Variants in ADIPOR2 observed in about 807,000 individuals in gnomAD.
The protein encoded by ADIPOR2 is adiponectin receptor protein 2.
Under a neutral mutation model 40.9 loss-of-function variants are expected in ADIPOR2, and 18 were observed. The observed-to-expected ratio is 0.44, with a 90% confidence interval of 0.30 to 0.65. ADIPOR2 has a LOEUF of 0.65. Ranked by LOEUF, ADIPOR2 falls within the 30% of genes least tolerant of loss-of-function variation. ADIPOR2 has a pLI of 0.09. For missense variants in ADIPOR2, 283 were observed against 479.2 expected (o/e 0.59, Z 3.82); for synonymous variants, 165 against 166.4 (o/e 0.99, Z 0.06).
At chr12:1,744,230 G>A (rs1053394556) in intron 1 of ADIPOR2, among the ~76,000 whole-genome samples, 9 of 151,542 alleles carry the variant, frequency 5.9e-5, no homozygotes, top group African/African-American at 1.7e-4. Flanking sequence ...TCAGCCTCCC[G>A]AGTAGCTGGG....
chr12:1,706,003 G>A (rs561761548), intron 1 of ADIPOR2, among the ~76,000 whole-genome samples: 1 of 152,320 alleles, frequency 6.6e-6, no homozygotes, highest in East Asian at 1.9e-4. Flanking sequence ...GATGATAGGT[G>A]AAGGGTCAAC....
At chr12:1,762,274 G>T (rs918757811) in intron 2 of ADIPOR2, among the ~76,000 whole-genome samples, 1 of 151,984 alleles carries the variant, frequency 6.6e-6, no homozygotes, top group African/African-American at 2.4e-5. Context: ...TGCGTATCAT[G>T]ACATATATTT....
At chr12:1,754,992 G>T (rs1351071563) in intron 2 of ADIPOR2, among the ~76,000 whole-genome samples, 1 of 117,632 alleles carries the variant, frequency 8.5e-6, no homozygotes, top group African/African-American at 2.6e-5. Flanking sequence ...GGGATTACAG[G>T]CATGAGTCAT....
chr12:1,780,368 G>A (rs1465105381), intron 4 of ADIPOR2, 83 bp from the exon 5 acceptor site: 1 of 1,311,620 alleles, frequency 7.6e-7, no homozygotes, highest in Non-Finnish European at 1.0e-6. Context: ...TTGTAATGCA[G>A]AAGGATTGAA....
chr12:1,722,415 T>C (rs2094699672), intron 1 of ADIPOR2, among the ~76,000 whole-genome samples: 1 of 152,166 alleles, frequency 6.6e-6, no homozygotes, highest in Non-Finnish European at 1.5e-5. Context: ...TGGTGGTAGG[T>C]AATAGTAGTA....
intron 2 of ADIPOR2, chr12:1,757,786 C>T (rs997048669): frequency 3.6e-5 from 34 of 947,890 alleles, no homozygotes; most frequent in African/African-American, 4.8e-5. Context: ...TATATGAGTT[C>T]GGACCTTGCC....
chr12:1,714,455 G>A (rs375035853), intron 1 of ADIPOR2, among the ~76,000 whole-genome samples: 3 of 152,180 alleles, frequency 2.0e-5, no homozygotes. Flanking sequence ...ATTGACCCTC[G>A]AGTGAGTCGG....
intron 1 of ADIPOR2, among the ~76,000 whole-genome samples, chr12:1,692,074 T>A (rs73591703): frequency 0.06 from 7,712 of 127,512 alleles, 645 homozygotes; most frequent in African/African-American, 0.2. Flanking sequence ...CCATTTCTGT[T>A]CCAAAAGCAG....
Position 1,711,098 on chromosome 12 carries a change from T to C in ADIPOR2, c.-87+19907T>C, listed in dbSNP as rs371703056. 3.9e-5 allele frequency among the ~76,000 whole-genome samples: 6 copies of C among 152,168 alleles called. No individual in the cohort carries two copies. The East Asian group carries it at 9.6e-4, about 24-fold the overall frequency. Reference sequence around the variant, plus strand: ...CTCACTGGTTAGTGTAAAAGCAACATTCTTCCCCTAAGAAGGTGCATAGTC... The same window carrying C: ...CTCACTGGTTAGTGTAAAAGCAACACTCTTCCCCTAAGAAGGTGCATAGTC... On this transcript the variant is annotated intron_variant, in intron 1 of 7. Transcript: ENST00000357103.
At chr12:1,700,322 T>C (rs944721415) in intron 1 of ADIPOR2, among the ~76,000 whole-genome samples, 1 of 152,226 alleles carries the variant, frequency 6.6e-6, no homozygotes, top group Non-Finnish European at 1.5e-5. Context: ...AAATTAAGTT[T>C]AGTGAACATG....
At chr12:1,721,800 G>A (rs535668820) in intron 1 of ADIPOR2, among the ~76,000 whole-genome samples, 13 of 152,154 alleles carry the variant, frequency 8.5e-5, no homozygotes, top group Non-Finnish European at 1.6e-4. Context: ...AAAGATTAGA[G>A]GGATGAGCAT....
chr12:1,754,536 A>G, intron 2 of ADIPOR2, 22 bp downstream of exon 2: 2 of 1,584,156 alleles, frequency 1.3e-6, no homozygotes, highest in Non-Finnish European at 1.7e-6. Flanking sequence ...TGGAAGAATG[A>G]TAAACAAAGG....
chr12:1,764,335 T>G (rs1423579100), intron 2 of ADIPOR2, among the ~76,000 whole-genome samples: 1 of 152,210 alleles, frequency 6.6e-6, no homozygotes, highest in African/African-American at 2.4e-5. Flanking sequence ...GTTTAATGCC[T>G]TCTTTGATCA....
intron 5 of ADIPOR2, 89 bp from the exon 6 acceptor site, chr12:1,780,800 G>T: frequency 1.4e-6 from 2 of 1,394,176 alleles, no homozygotes; most frequent in South Asian, 1.5e-5. Context: ...TGTCGTTGAT[G>T]GCTTATGTCA....
chr12:1,783,992 G>A lies in ADIPOR2; in HGVS notation c.951G>A (p.Met317Ile). 6.2e-7 allele frequency: 1 copy of A among 1,613,926 alleles called. No individual in the cohort carries two copies. The highest frequency in any genetic ancestry group is 8.5e-7 in the Non-Finnish European group (1 of 1,179,910). The stretch of plus-strand genomic sequence containing the variant: ...GGCAGATAGGCTGGTTGATGCTGAT[G>A]GCCAGCCTCTACATCACAGGAGCTG... ...TIGQIGWLML[M>I]ASLYITGAAL... The change falls in exon 7 of 8, where the codon ATG (methionine) becomes ATA (isoleucine). Residue 317 changes from methionine (M) to isoleucine (I), a missense_variant. Around this residue, in one of 3 missense-constraint regions of ADIPOR2, gnomAD observed 106 missense variants for 149.7 expected, o/e 0.71. Coordinates refer to ENST00000357103, the MANE Select transcript of ADIPOR2 (RefSeq NM_024551.3).
intron 1 of ADIPOR2, among the ~76,000 whole-genome samples, chr12:1,747,891 A>G (rs1427931021): frequency 1.3e-5 from 2 of 152,102 alleles, no homozygotes; most frequent in Non-Finnish European, 2.9e-5. Context: ...ACTGTGAGGC[A>G]TCTGTCTGGA....
At position 1,718,632 on chromosome 12, in the gene ADIPOR2, A is replaced by G. The variant is rs942290136; in HGVS notation, c.-87+27441A>G. Reference sequence around the variant, plus strand: ...ACTGAAATGGCTAAAGTCGACTGCTATCTAGCAGACAGTGCTAAAATAGCA... The same window carrying G: ...ACTGAAATGGCTAAAGTCGACTGCTGTCTAGCAGACAGTGCTAAAATAGCA... On this transcript the variant is annotated intron_variant, in intron 1 of 7. Coordinates refer to ENST00000357103, the MANE Select transcript of ADIPOR2 (RefSeq NM_024551.3). 6.6e-5 allele frequency among the ~76,000 whole-genome samples: 10 copies of G among 152,256 alleles called. No individual in the cohort carries two copies. In the East Asian group the frequency reaches 9.6e-4, roughly 15 times the overall value.
intron 1 of ADIPOR2, among the ~76,000 whole-genome samples, chr12:1,713,789 G>A (rs1354764112): frequency 6.6e-6 from 1 of 152,126 alleles, no homozygotes; most frequent in Non-Finnish European, 1.5e-5. Flanking sequence ...GGATTCCTCG[G>A]ATGGTAATGG....
At chr12:1,695,025 T>TG (rs1555164949) in intron 1 of ADIPOR2, among the ~76,000 whole-genome samples, 2,266 of 124,168 alleles carry the variant, frequency 0.018, 21 homozygotes, top group Middle Eastern at 0.085. Context: ...TTTTTTTTTT[T>TG]TTGTTTTGTT....
Sources: allele counts gnomAD v4.1 joint callset (sites outside exome capture counted in the v4.1 genomes callset), GRCh38; gene constraint gnomAD v4.1.1; regional missense constraint gnomAD v4.1.1; transcripts MANE v1.5; gene names NCBI Gene and HGNC (gene_info 2026-07-23, HGNC 2026-07-21).